Variants in USB1 observed in about 807,000 individuals in gnomAD.
USB1 encodes the protein U6 snRNA biogenesis phosphodiesterase 1.
Under a neutral mutation model 29.9 loss-of-function variants are expected in USB1, and 21 were observed. The observed-to-expected ratio is 0.70, with a 90% confidence interval of 0.50 to 1.01. The LOEUF (loss-of-function observed/expected upper bound fraction) is 1.01, where lower values mean the gene tolerates loss of function less well. USB1 is among the 50% of genes least tolerant of loss of function. The pLI is 0.00. For missense variants in USB1, 330 were observed against 347.1 expected, an observed-to-expected ratio of 0.95 and a Z score of 0.39; for synonymous variants, 143 against 134.9, an observed-to-expected ratio of 1.06 and a Z score of -0.42.
At chr16:58,016,267 C>G (rs947863206) in intron 4 of USB1, 1 of 152,232 alleles carries the variant, frequency 6.6e-6, no homozygotes, top group Non-Finnish European at 1.5e-5. Context: ...AACATTGATT[C>G]CTGGGTTTGA....
At chr16:58,012,446 G>T in intron 3 of USB1, 2 of 1,195,084 alleles carry the variant, frequency 1.7e-6, no homozygotes, top group Non-Finnish European at 2.4e-6. Context: ...GGGGTGACAA[G>T]ATATCAGATG....
At chr16:58,015,886 A>G (rs556131274) in intron 4 of USB1, 2 of 152,384 alleles carry the variant, frequency 1.3e-5, no homozygotes, top group Admixed American at 6.5e-5. Flanking sequence ...ATGATAGGAG[A>G]TGAGATGGGT....
rs1244517669 is a variant in USB1, at chr16:58,006,364, A to C, written c.266-3565A>C. Among the ~76,000 whole-genome samples, 14 of 143,806 alleles carry C rather than the reference A, an allele frequency of 9.7e-5. No individual in the cohort carries two copies. In the South Asian group the frequency reaches 2.6e-3, roughly 27 times the overall value. The allele number at this position is 143,806 out of a possible 152,430, so 94.3% of individuals were successfully genotyped here. On this transcript the variant is annotated intron_variant, in intron 2 of 6. Transcript: ENST00000219281. ...CAAAACCTCGTTTCAAAAAAAAAAA[A>C]AAACAAAAAAAAAAAACGGACACAG...
At chr16:58,010,141 C>A (rs1963459008) in intron 3 of USB1, 29 bp downstream of exon 3, 1 of 1,613,094 alleles carries the variant, frequency 6.2e-7, no homozygotes, top group African/African-American at 1.3e-5. Flanking sequence ...TGCCTCTCCA[C>A]TCCCTCCCCT....
At chr16:58,002,750 A>G in intron 2 of USB1, 105 bp downstream of exon 2, 2 of 1,470,350 alleles carry the variant, frequency 1.4e-6, no homozygotes, top group Non-Finnish European at 1.9e-6. Context: ...AGAAACCTCT[A>G]ACACTGGTGG....
intron 4 of USB1, 152 bp downstream of exon 4, chr16:58,014,478 C>A (rs1017814741): frequency 1.7e-5 from 12 of 715,420 alleles, no homozygotes; most frequent in Non-Finnish European, 2.7e-5. Context: ...CTGAACCTTT[C>A]TTTAAGAAAA....
chr16:58,006,382 G>C (rs1191099438), intron 2 of USB1, among the ~76,000 whole-genome samples: 17 of 147,786 alleles, frequency 1.2e-4, no homozygotes, highest in Admixed American at 1.1e-3. Flanking sequence ...AAAAAAAAAC[G>C]GACACAGTGG....
At chr16:57,999,807 G>C (rs563776755), upstream of USB1, 1 of 152,388 alleles carries the variant, frequency 6.6e-6, no homozygotes, top group African/African-American at 2.4e-5. Context: ...AAGCCTTCTC[G>C]GGACAGAGAG....
At chr16:58,001,294 C>T, upstream of USB1, 1 of 691,188 alleles carries the variant, frequency 1.4e-6, no homozygotes, top group Non-Finnish European at 2.5e-6. Flanking sequence ...CGTGCGCAGC[C>T]GGCAGACAGC....
chr16:58,012,830 G>A (rs1313397462), intron 3 of USB1: 2 of 993,684 alleles, frequency 2.0e-6, no homozygotes, highest in African/African-American at 3.5e-5. Flanking sequence ...GCCACGGCCT[G>A]GGCTCCCCTG....
rs1339761959 is a variant in USB1 at position 58,001,494 on chromosome 16, C to G, written c.11C>G (p.Ala4Gly). 8 of 1,602,150 alleles carry G rather than the reference C, an allele frequency of 5.0e-6. No individual in the cohort carries two copies. The highest frequency in any genetic ancestry group is 6.8e-6 in the Non-Finnish European group (8 of 1,175,016). The change falls in exon 1 of 7, where the codon GCG becomes GGG. Residue 4 changes from alanine to glycine, a missense_variant. Transcript: ENST00000219281. ...CTTGGATGAGGCCCCATGAGCGCGG[C>G]GCCCCTGGTGGGCTACAGCAGCAGC... is the stretch of plus-strand genomic sequence containing the variant. MSA[A>G]PLVGYSSSGS...
At chr16:58,020,044 C>A in intron 6 of USB1, 97 bp from the exon 7 acceptor site, 3 of 1,177,754 alleles carry the variant, frequency 2.5e-6, no homozygotes, top group East Asian at 2.4e-5. Context: ...CAGCCTCGCC[C>A]AGCCTCTGAA....
chr16:58,010,263 C>A, intron 3 of USB1, 151 bp downstream of exon 3: 1 of 906,440 alleles, frequency 1.1e-6, no homozygotes, highest in Non-Finnish European at 1.7e-6. Context: ...ACTTCTCATC[C>A]TCCGTGACCT....
In USB1 at chr16:58,002,585, G is replaced by A. The variant is rs762121009; in HGVS notation, c.205G>A (p.Gly69Arg). Reference protein sequence around the residue: ...GPEDDSTKHGGRVRTFPHERG... With the variant: ...GPEDDSTKHGRRVRTFPHERG... ...TGAAGATGACAGCACAAAACACGGG[G>A]GACGGGTGCGCACCTTCCCCCACGA... Residue 69 changes from glycine (G) to arginine (R), a missense_variant, in exon 2 of 7, where the codon GGA (glycine) becomes AGA (arginine). By Grantham distance (125) the Gly-to-Arg change is moderately radical (BLOSUM62 -2). Coordinates refer to ENST00000219281, the MANE Select transcript of USB1 (RefSeq NM_024598.4). The A allele has an allele frequency of 6.2e-7, 1 of 1,614,088 alleles. No individual in the cohort carries two copies. Among genetic ancestry groups the A allele is most frequent in the Admixed American group, 1.7e-5 (1 of 60,024 alleles).
intron 3 of USB1, chr16:58,011,348 T>G: frequency 7.5e-7 from 1 of 1,330,998 alleles, no homozygotes; most frequent in African/African-American, 1.5e-5. Context: ...GGTGAAGGGT[T>G]AGTACCAGAC....
chr16:58,010,206 C>G, intron 3 of USB1, 94 bp downstream of exon 3: 1 of 1,488,260 alleles, frequency 6.7e-7, no homozygotes, highest in Non-Finnish European at 9.3e-7. Flanking sequence ...AGCAGGCAGG[C>G]AGACCTAAAG....
chr16:58,001,714 AAAG>A, intron 1 of USB1, 133 bp downstream of exon 1: 1 of 1,087,302 alleles, frequency 9.2e-7, no homozygotes, highest in South Asian at 1.4e-5. Context: ...ACGCAGGAAG[AAAG>A]GAGGATCCAG....
upstream of USB1, chr16:58,001,273 G>A: frequency 3.1e-6 from 2 of 645,022 alleles, no homozygotes; most frequent in South Asian, 1.8e-5. Flanking sequence ...GGCTGCAGGT[G>A]ACCAGATCCG....
In USB1 at chr16:58,002,489, C is replaced by T. The variant is rs762001177; in HGVS notation, c.109C>T (p.Pro37Ser). ...TTTTTTCTTTTGCAGTGGCCAGAGC[C>T]CCCTTCCCAGGCAGAGATTTCCAGT... is the stretch of plus-strand genomic sequence containing the variant. ...GDGSHRRGQS[P>S]LPRQRFPVPD... is the part of the protein sequence containing the mutation. The change falls in exon 2 of 7, where the codon CCC (proline) becomes TCC (serine). Residue 37 changes from proline (P) to serine (S), a missense_variant. Pro to Ser is a moderately conservative substitution (Grantham distance 74, BLOSUM62 -1). Transcript: ENST00000219281. The T allele has an allele frequency of 6.2e-7, 1 of 1,613,960 alleles. No individual in the cohort carries two copies. The highest frequency in any genetic ancestry group is 8.5e-7 in the Non-Finnish European group (1 of 1,180,036).
Sources: allele counts gnomAD v4.1 joint callset (sites outside exome capture counted in the v4.1 genomes callset), GRCh38; gene constraint gnomAD v4.1.1; transcripts MANE v1.5; gene names NCBI Gene and HGNC (gene_info 2026-07-23, HGNC 2026-07-21).